Variants in NRG1 observed in about 807,000 individuals in gnomAD.
NRG1 encodes the protein pro-neuregulin-1, membrane-bound isoform.
NRG1 carries 18 observed loss-of-function variants against 63.8 expected under a neutral mutation model. That is an observed-to-expected ratio of 0.28 (90% CI 0.19 to 0.42). The LOEUF (loss-of-function observed/expected upper bound fraction) is 0.42. Among genes scored for constraint, NRG1 ranks in the 10% least tolerant of loss-of-function variants. The probability of loss-of-function intolerance (pLI) is 1.00; values close to 1 mark genes in which losing one functional copy is unlikely to be tolerated. For synonymous variants in NRG1, 302 were observed against 301.3 expected, an observed-to-expected ratio of 1.00 and a Z score of -0.02; for missense variants, 762 against 814.7, an observed-to-expected ratio of 0.94 and a Z score of 0.79.
At chr8:32,357,829 G>A (rs1057263957) in intron 1 of NRG1, among the ~76,000 whole-genome samples, 2 of 152,052 alleles carry the variant, frequency 1.3e-5, no homozygotes, top group South Asian at 4.2e-4. Flanking sequence ...ATCTAGTGGG[G>A]GATTCAAACA....
At chr8:32,344,324 CTCTTTCTTTCTTTCTTTCTTTCTTTCTT>C (rs765116407) in intron 1 of NRG1, among the ~76,000 whole-genome samples, 2 of 64,096 alleles carry the variant, frequency 3.1e-5, no homozygotes, top group Admixed American at 1.6e-4. Flanking sequence ...TTCCTTCTTT[CTCTTTCTTTCTTTCTTTCTTTCTTTCTT>C]TCTTTCTTTC....
chr8:31,968,194 C>A (rs1488350111), intron 1 of NRG1, among the ~76,000 whole-genome samples: 1 of 152,072 alleles, frequency 6.6e-6, no homozygotes, highest in Non-Finnish European at 1.5e-5. Context: ...AGTATGCATG[C>A]AAAAATAAGT....
At chr8:32,764,952 A>G (rs1831310002) in exon 12 of NRG1, 1 of 152,288 alleles carries the variant, frequency 6.6e-6, no homozygotes, top group Non-Finnish European at 1.5e-5. Context: ...AGTAGATCCA[A>G]CAGCATGCTA....
intron 1 of NRG1, among the ~76,000 whole-genome samples, chr8:32,482,941 G>A (rs1316251115): frequency 1.3e-5 from 2 of 152,224 alleles, no homozygotes; most frequent in Admixed American, 6.5e-5. Context: ...ATACCAAAGT[G>A]CCAAATGACT....
intron 1 of NRG1, among the ~76,000 whole-genome samples, chr8:32,576,334 T>G (rs2129529731): frequency 6.6e-6 from 1 of 152,338 alleles, no homozygotes; most frequent in South Asian, 2.1e-4. Context: ...CTTCTTTTTT[T>G]GTTTTTTAAA....
intron 1 of NRG1, among the ~76,000 whole-genome samples, chr8:32,388,907 A>G (rs571790818): frequency 3.3e-5 from 5 of 152,334 alleles, no homozygotes; most frequent in Middle Eastern, 3.4e-3. Flanking sequence ...ATGTACCCAT[A>G]TGGCTTCTGG....
rs1563713732 is a variant in NRG1 at position 32,040,779 on chromosome 8, T to TG, written c.37+401348_37+401349insG. On this transcript the variant is annotated intron_variant, in intron 1 of 10. Transcript: ENST00000519301. ...TATATATATATATATGCGCCTAAATTTCAGCACTAAATATTAAAGTTTAGG... is the reference window on the plus strand; with the variant it reads ...TATATATATATATATGCGCCTAAATTGTCAGCACTAAATATTAAAGTTTAGG... Among the ~76,000 whole-genome samples the TG allele has an allele frequency of 1.7e-3, 26 of 15,678 alleles. No homozygotes were observed. The Admixed American group carries it at 0.028, about 17-fold the overall frequency. 10.3% of individuals were successfully genotyped at this position (15,678 alleles called of 152,430 possible). A position where few individuals can be genotyped will look rare whatever the true frequency, so the allele number is the denominator to read the frequency against.
intron 1 of NRG1, among the ~76,000 whole-genome samples, chr8:32,253,509 GT>G (rs776935413): frequency 3.3e-5 from 5 of 152,196 alleles, no homozygotes; most frequent in Non-Finnish European, 4.4e-5. Context: ...GTTTGTGTAT[GT>G]TGAACCAGCC....
chr8:32,111,454 T>C (rs1832017530), intron 1 of NRG1, among the ~76,000 whole-genome samples: 1 of 152,118 alleles, frequency 6.6e-6, no homozygotes, highest in Non-Finnish European at 1.5e-5. Context: ...ATGATGATGA[T>C]TGTATGGATG....
rs375679249 is a variant in NRG1 at position 32,309,648 on chromosome 8, C to T, written c.38-286180C>T. ...GTTTTTTTTCTTTAAATACCTTTTC[C>T]AACAACTCGAAGCTCAGCAGTATGG... On this transcript the variant is annotated intron_variant, in intron 1 of 10. Coordinates refer to the NRG1 transcript ENST00000519301. Among the ~76,000 whole-genome samples the T allele has an allele frequency of 1.6e-4, 25 of 152,238 alleles. No individual in the cohort carries two copies. The East Asian group carries it at 3.1e-3, about 19-fold the overall frequency.
chr8:32,046,600 G>T (rs1343654536), intron 1 of NRG1, among the ~76,000 whole-genome samples: 1 of 152,032 alleles, frequency 6.6e-6, no homozygotes, highest in South Asian at 2.1e-4. Flanking sequence ...ACTACTTCTT[G>T]TCAATTAAAA....
intron 5 of NRG1, among the ~76,000 whole-genome samples, chr8:32,706,206 A>G (rs1288938305): frequency 6.6e-6 from 1 of 152,216 alleles, no homozygotes; most frequent in African/African-American, 2.4e-5. Flanking sequence ...AAGGTCTGTG[A>G]CTGTCGTGGA....
intron 1 of NRG1, among the ~76,000 whole-genome samples, chr8:31,933,754 C>T (rs1563585165): frequency 1.3e-5 from 2 of 152,172 alleles, no homozygotes; most frequent in Non-Finnish European, 2.9e-5. Context: ...ATTGATACAA[C>T]TGGTCTAAAT....
chr8:32,144,890 G>A (rs1836700540), intron 1 of NRG1, among the ~76,000 whole-genome samples: 2 of 152,152 alleles, frequency 1.3e-5, no homozygotes, highest in Non-Finnish European at 2.9e-5. Flanking sequence ...ATGTATGTAT[G>A]TGTGTGTTAA....
At chr8:31,920,660 C>G (rs1045581892) in intron 1 of NRG1, among the ~76,000 whole-genome samples, 6 of 152,088 alleles carry the variant, frequency 3.9e-5, no homozygotes, top group African/African-American at 1.4e-4. Context: ...GGCTCTGGTA[C>G]TCACTATCTG....
rs1842208721 is a variant in NRG1, at chr8:32,589,815, G to A, written c.101-6013G>A. On this transcript the variant is annotated intron_variant, in intron 1 of 11. Transcript: ENST00000356819. ...ATGATCAAAACAAGAGGATTGCTTA[G>A]ATGAATGAGGTTGTTTTTTTGGAAA... 7.2e-5 allele frequency among the ~76,000 whole-genome samples: 11 copies of A among 152,220 alleles called. No homozygotes were observed. In the South Asian group the frequency reaches 1.7e-3, roughly 23 times the overall value.
At chr8:32,762,569 C>G (rs1830917193) in intron 11 of NRG1, among the ~76,000 whole-genome samples, 1 of 152,156 alleles carries the variant, frequency 6.6e-6, no homozygotes, top group South Asian at 2.1e-4. Context: ...TTAGAGGCAG[C>G]TAGCTCTCAC....
In NRG1 at chr8:32,347,259, ATCTAAC is replaced by A. The variant is rs1805029842; in HGVS notation, c.38-248564_38-248559del. On this transcript the variant is annotated intron_variant, in intron 1 of 10. Coordinates refer to the NRG1 transcript ENST00000519301. ...TCAAATACTGTAAGTTATTCCTTAT[ATCTAAC>A]TCTATTTTTGTACCCATTAACCAAC... is the stretch of plus-strand genomic sequence containing the variant. 3.3e-5 allele frequency among the ~76,000 whole-genome samples: 5 copies of A among 152,064 alleles called. No homozygotes were observed. The South Asian group carries it at 1.0e-3, about 32-fold the overall frequency.
At chr8:32,688,884 G>A (rs1204858214) in intron 5 of NRG1, among the ~76,000 whole-genome samples, 15 of 152,016 alleles carry the variant, frequency 9.9e-5, no homozygotes, top group Admixed American at 9.8e-4. Context: ...TCATCTATTA[G>A]GCATTTGAAA....
Sources: allele counts gnomAD v4.1 joint callset (sites outside exome capture counted in the v4.1 genomes callset), GRCh38; gene constraint gnomAD v4.1.1; transcripts MANE v1.5; gene names NCBI Gene and HGNC (gene_info 2026-07-23, HGNC 2026-07-21).